Variants in NIBAN3 observed in about 807,000 individuals in gnomAD.
The protein encoded by NIBAN3 is protein Niban 3.
A neutral mutation model predicts 76.4 loss-of-function variants in NIBAN3; 66 were observed. The ratio of observed to expected loss-of-function variants is 0.86; its 90% CI spans 0.71 to 1.06. NIBAN3 has a LOEUF of 1.06. NIBAN3 is among the 50% of genes least tolerant of loss of function. The pLI is 0.00. For missense variants in NIBAN3, 808 were observed against 810.7 expected (o/e 1.00, Z 0.04); for synonymous variants, 360 against 355.2 (o/e 1.01, Z -0.15).
chr19:17,532,164 C>A, intron 2 of NIBAN3, 99 bp from the exon 3 acceptor site: 1 of 1,424,738 alleles, frequency 7.0e-7, no homozygotes, highest in South Asian at 1.4e-5. Context: ...CATCACGGGA[C>A]CTTAGCGTCA....
intron 5 of NIBAN3, among the ~76,000 whole-genome samples, chr19:17,538,036 A>G (rs1451094419): frequency 1.3e-5 from 2 of 152,076 alleles, no homozygotes; most frequent in Non-Finnish European, 2.9e-5. Context: ...TGTAACAGAG[A>G]CACACAGGGT....
At chr19:17,550,526 G>T (rs1023434090) in intron 14 of NIBAN3, among the ~76,000 whole-genome samples, 2 of 152,088 alleles carry the variant, frequency 1.3e-5, no homozygotes, top group Non-Finnish European at 2.9e-5. Flanking sequence ...AATTAGTTGG[G>T]TGTGGTGGAA....
rs1398710139 is a variant in NIBAN3, at chr19:17,539,355, C to A, written c.720C>A (p.Thr240=). 1 of 1,546,238 alleles carries A rather than the reference C, an allele frequency of 6.5e-7. No homozygotes were observed. Among genetic ancestry groups the A allele is most frequent in the Non-Finnish European group, 8.7e-7 (1 of 1,147,098 alleles). ...VTLGSDAEVL[T]AVLMREQLPA... The stretch of plus-strand genomic sequence containing the variant: ...GGCCCCCTCTCCTGCAGGTGCTGAC[C>A]GCGGTGCTGATGCGGGAGCAACTTC... Residue 240 remains threonine (T), a synonymous_variant, in exon 7 of 15, where the codon ACC becomes ACA. Coordinates refer to ENST00000599164, the MANE Select transcript of NIBAN3 (RefSeq NM_001321827.2).
rs746704491 is a variant in NIBAN3, at chr19:17,542,106, T to A, written c.1171-30T>A. On this transcript the variant is annotated intron_variant, in intron 9 of 14. Coordinates refer to ENST00000599164, the MANE Select transcript of NIBAN3 (RefSeq NM_001321827.2). The surrounding 1 kb of genome is among the most constrained non-coding windows in gnomAD (Gnocchi z 4.8). ...CCCTTTGCAATCAGCTGACAGCATTTTTCCCCCAAAACTGCTTCCGGGAGC... is the reference window on the plus strand; with the variant it reads ...CCCTTTGCAATCAGCTGACAGCATTATTCCCCCAAAACTGCTTCCGGGAGC... 6.2e-7 allele frequency: 1 copy of A among 1,613,908 alleles called. No individual in the cohort carries two copies. Among genetic ancestry groups the A allele is most frequent in the Non-Finnish European group, 8.5e-7 (1 of 1,179,930 alleles).
At position 17,546,765 on chromosome 19, in the gene NIBAN3, T is replaced by C; in HGVS notation, c.1634T>C (p.Ile545Thr). 1.2e-6 allele frequency: 2 copies of C among 1,604,668 alleles called. No individual in the cohort carries two copies. The highest frequency in any genetic ancestry group is 1.7e-6 in the Non-Finnish European group (2 of 1,176,472). The stretch of plus-strand genomic sequence containing the variant: ...ACTGAGGGCATCTATGAGGACGTCA[T>C]CCGGGGGTGCTTGCTGCAGAGGATT... ...LTTEGIYEDV[I>T]RGCLLQRIDQ... The change falls in exon 13 of 15, where the codon ATC (isoleucine) becomes ACC (threonine). Residue 545 changes from isoleucine (I) to threonine (T), a missense_variant. Coordinates refer to ENST00000599164, the MANE Select transcript of NIBAN3 (RefSeq NM_001321827.2).
At position 17,543,701 on chromosome 19, in the gene NIBAN3, T is replaced by G. The variant is rs561886620; in HGVS notation, c.1554+70T>G. ...TGCATCCACTTAAAGTGGGCAAGAA[T>G]GCTCTTTGAGGCTGGGCGCAGTGGC... On this transcript the variant is annotated intron_variant, in intron 12 of 14. Transcript: ENST00000599164. The G allele has an allele frequency of 2.3e-5, 31 of 1,363,920 alleles. No individual in the cohort carries two copies. The African/African-American group carries it at 3.0e-4, about 13-fold the overall frequency. 84.5% of individuals were successfully genotyped at this position (1,363,920 alleles called of 1,614,324 possible). A position where few individuals can be genotyped will look rare whatever the true frequency, so the allele number is the denominator to read the frequency against.
chr19:17,524,371 C>T (rs1024318210), upstream of NIBAN3, among the ~76,000 whole-genome samples: 7 of 152,040 alleles, frequency 4.6e-5, no homozygotes, highest in African/African-American at 1.2e-4. Flanking sequence ...CTGCAACCTC[C>T]GCCTCCTGGG....
At chr19:17,530,906 G>A (rs2075709581) in intron 2 of NIBAN3, 21 bp downstream of exon 2, 1 of 1,609,996 alleles carries the variant, frequency 6.2e-7, no homozygotes. Context: ...TGGGGGCAGA[G>A]GACGTTTGAG....
Position 17,533,770 on chromosome 19 carries a change from A to G in NIBAN3, c.427+69A>G, listed in dbSNP as rs1599719252. 3.3e-6 allele frequency: 4 copies of G among 1,214,988 alleles called. No homozygotes were observed. The East Asian group carries it at 9.3e-5, about 28-fold the overall frequency. The allele number at this position is 1,214,988 out of a possible 1,614,324, so 75.3% of individuals were successfully genotyped here. ...CATCATTAACATGTGGGGCCAGATC[A>G]TTCTCTGCGGTGGGGGCGTCCCGTG... On this transcript the variant is annotated intron_variant, in intron 4 of 14. Coordinates refer to ENST00000599164, the MANE Select transcript of NIBAN3 (RefSeq NM_001321827.2).
Position 17,553,267 on chromosome 19 carries a change from G to C in NIBAN3, c.*1369G>C, listed in dbSNP as rs143415518. ...TTGTGATACAGGTTACAGATTTTGG[G>C]GTTTTTTTCTCCGCTTGCTGTGAGC... On this transcript the variant is annotated 3_prime_UTR_variant, in exon 15 of 15. Transcript: ENST00000599164. 6.3e-7 allele frequency: 1 copy of C among 1,597,258 alleles called. No homozygotes were observed. Among genetic ancestry groups the C allele is most frequent in the African/African-American group, 1.4e-5 (1 of 73,982 alleles).
At chr19:17,523,301 G>A (rs1398652316), upstream of NIBAN3, 3 of 751,078 alleles carry the variant, frequency 4.0e-6, no homozygotes, top group South Asian at 3.9e-5. Context: ...GAGGCACCCG[G>A]CTGAGCAGGA....
intron 2 of NIBAN3, among the ~76,000 whole-genome samples, chr19:17,531,326 A>AACATACAC (rs1361774407): frequency 7.8e-6 from 1 of 129,000 alleles, no homozygotes; most frequent in African/African-American, 2.8e-5. Flanking sequence ...GACTCTGTCA[A>AACATACAC]ACACACACAC....
intron 13 of NIBAN3, among the ~76,000 whole-genome samples, 190 bp downstream of exon 13, chr19:17,546,987 G>A (rs112668395): frequency 6.6e-5 from 10 of 152,304 alleles, no homozygotes; most frequent in African/African-American, 2.4e-4. Flanking sequence ...TCTGAAGGAA[G>A]GGCCGTTGGA....
chr19:17,553,549 A>G lies in NIBAN3; in HGVS notation c.*1651A>G. On this transcript the variant is annotated 3_prime_UTR_variant, in exon 15 of 15. Transcript: ENST00000599164. ...CCATTCTGTCTGGAGTTTTCGGCCT[A>G]CCCCAAGACAATGAGATATTCCTGA... 6.2e-7 allele frequency: 1 copy of G among 1,614,020 alleles called. No individual in the cohort carries two copies. Among genetic ancestry groups the G allele is most frequent in the Non-Finnish European group, 8.5e-7 (1 of 1,179,946 alleles).
Position 17,539,583 on chromosome 19 carries a change from C to T in NIBAN3, c.817-20C>T, listed in dbSNP as rs573897082. 3 of 1,522,976 alleles carry T rather than the reference C, an allele frequency of 2.0e-6. No individual in the cohort carries two copies. The allele number at this position is 1,522,976 out of a possible 1,614,324, so 94.3% of individuals were successfully genotyped here. On this transcript the variant is annotated intron_variant, in intron 7 of 14. Transcript: ENST00000599164. ...CCGCCCCGTGTCTCGGCTTTGTCCC[C>T]CCTCGACCGGTCTGGGCAGCTTCTA...
At chr19:17,525,750 C>T (rs569267624), upstream of NIBAN3, among the ~76,000 whole-genome samples, 3 of 152,120 alleles carry the variant, frequency 2.0e-5, no homozygotes, top group East Asian at 3.9e-4. Context: ...GGGAGAGCTT[C>T]GGGAGGTCAG....
At position 17,549,426 on chromosome 19, in the gene NIBAN3, G is replaced by T. The variant is rs777986180; in HGVS notation, c.1667-18G>T. On this transcript the variant is annotated intron_variant, in intron 13 of 14. Transcript: ENST00000599164. ...CCTGGGCTTCCCCAGGTGTGTCCAA[G>T]AGTTCATCTCATTTCAGAATTGAAA... is the stretch of plus-strand genomic sequence containing the variant. 8.8e-6 allele frequency: 14 copies of T among 1,593,796 alleles called. No homozygotes were observed. Among genetic ancestry groups the T allele is most frequent in the Admixed American group, 8.4e-5 (5 of 59,470 alleles).
chr19:17,530,734 A>G lies in NIBAN3; in HGVS notation c.56-21A>G, dbSNP rs1267802365. 3 of 1,589,938 alleles carry G rather than the reference A, an allele frequency of 1.9e-6. No individual in the cohort carries two copies. In the South Asian group the frequency reaches 3.3e-5, roughly 18 times the overall value. On this transcript the variant is annotated intron_variant, in intron 1 of 14. Coordinates refer to ENST00000599164, the MANE Select transcript of NIBAN3 (RefSeq NM_001321827.2). The stretch of plus-strand genomic sequence containing the variant: ...TGGGCAGATTCAATTTGCTGGGTTC[A>G]CTGTCCCCTTGTCCCTGCAGGTCAG...
At position 17,540,549 on chromosome 19, in the gene NIBAN3, C is replaced by T; in HGVS notation, c.1137C>T (p.Arg379=). ...QGMDRLSHRL[R]QSPSGTRLRR... ...TGGACCGACTGTCCCACCGCCTGCG[C>T]CAGAGCCCCTCAGGCACGCGGCTGC... The change falls in exon 9 of 15, where the codon CGC becomes CGT. Residue 379 remains arginine (R), a synonymous_variant. Coordinates refer to ENST00000599164, the MANE Select transcript of NIBAN3 (RefSeq NM_001321827.2). The T allele has an allele frequency of 6.4e-7, 1 of 1,558,714 alleles. No individual in the cohort carries two copies. Among genetic ancestry groups the T allele is most frequent in the African/African-American group, 1.4e-5 (1 of 72,094 alleles).
Sources: gnomAD v4.1 joint callset for allele counts (sites outside exome capture counted in the v4.1 genomes callset) on GRCh38, gnomAD v4.1.1 for gene constraint, Gnocchi (gnomAD v3.1) non-coding constraint, MANE v1.5 for transcripts, NCBI Gene and HGNC (gene_info 2026-07-23, HGNC 2026-07-21) for gene names.